The following TNFSF4 variants were observed in gnomAD, a reference collection of about 807,000 sequenced individuals.
The protein encoded by TNFSF4 is TNF superfamily member 4.
A neutral mutation model predicts 7.3 loss-of-function variants in TNFSF4; 4 were observed. The observed-to-expected ratio is 0.55, with a 90% CI of 0.27 to 1.25. The LOEUF (loss-of-function observed/expected upper bound fraction) is 1.25, where lower values mean the gene tolerates loss of function less well. Among genes scored for constraint, TNFSF4 ranks in the 50% most tolerant of loss-of-function variants. The pLI is 0.12. For missense variants in TNFSF4, 181 were observed against 208.8 expected (o/e 0.87, Z 0.82); for synonymous variants, 76 against 83.7 (o/e 0.91, Z 0.50).
At chr1:173,363,411 C>A in the TNFSF4 span, 1 of 336,106 alleles carries the variant, frequency 3.0e-6, no homozygotes, top group South Asian at 3.1e-5. Context: ...TCTCCCTTTC[C>A]CATATCTCTC....
chr1:173,328,469 C>G, the TNFSF4 span, among the ~76,000 whole-genome samples: 13 of 151,288 alleles, frequency 8.6e-5, no homozygotes, highest in Middle Eastern at 3.2e-3. Flanking sequence ...CAAACCTGCA[C>G]GTTGTGCACA....
chr1:173,215,376 C>G, the TNFSF4 span, among the ~76,000 whole-genome samples: 4 of 152,098 alleles, frequency 2.6e-5, no homozygotes, highest in African/African-American at 9.7e-5. Flanking sequence ...AAGAGCATTG[C>G]TTCTTGAAGT....
the TNFSF4 span, among the ~76,000 whole-genome samples, chr1:173,338,573 C>A: frequency 6.6e-6 from 1 of 152,180 alleles, no homozygotes; most frequent in African/African-American, 2.4e-5. Flanking sequence ...CTCCAGAACA[C>A]TGTATATGCT....
chr1:173,186,990 G>T, intron 2 of TNFSF4, 125 bp from the exon 3 acceptor site: 1 of 666,982 alleles, frequency 1.5e-6, no homozygotes, highest in East Asian at 2.7e-5. Flanking sequence ...AAGAGTAAAA[G>T]CAGTGAGCCA....
chr1:173,270,876 G>C, the TNFSF4 span, among the ~76,000 whole-genome samples: 2 of 152,236 alleles, frequency 1.3e-5, no homozygotes, highest in Non-Finnish European at 1.5e-5. Context: ...CAAATTTTCA[G>C]AAATACATAC....
the TNFSF4 span, chr1:173,363,621 C>T: frequency 4.8e-6 from 2 of 418,060 alleles, no homozygotes; most frequent in African/African-American, 2.1e-5. Flanking sequence ...TAAGGAAAGG[C>T]TTATCGGATG....
At chr1:173,182,632 G>A (rs1649075219), downstream of TNFSF4, among the ~76,000 whole-genome samples, 1 of 152,174 alleles carries the variant, frequency 6.6e-6, no homozygotes, top group African/African-American at 2.4e-5. Context: ...CCTGGCACAG[G>A]GAAAGAACTC....
At chr1:173,282,783 G>T in the TNFSF4 span, among the ~76,000 whole-genome samples, 2 of 151,928 alleles carry the variant, frequency 1.3e-5, no homozygotes, top group African/African-American at 4.8e-5. Context: ...TAAAGTCTAA[G>T]GTTTCTTTAG....
chr1:173,330,169 G>A, the TNFSF4 span, among the ~76,000 whole-genome samples: 7 of 152,100 alleles, frequency 4.6e-5, no homozygotes, highest in Non-Finnish European at 7.4e-5. Context: ...GGCCAGAAAT[G>A]TTCATAACTG....
chr1:173,217,611 A>AAC, the TNFSF4 span, among the ~76,000 whole-genome samples: 20 of 152,344 alleles, frequency 1.3e-4, no homozygotes, highest in Admixed American at 1.1e-3. Flanking sequence ...AAACATTATA[A>AAC]ATTTTTTCAG....
chr1:173,254,516 GT>G, the TNFSF4 span, among the ~76,000 whole-genome samples: 1 of 152,158 alleles, frequency 6.6e-6, no homozygotes, highest in African/African-American at 2.4e-5. Flanking sequence ...CTCCCTTAAA[GT>G]TTCAGTTTCA....
chr1:173,218,861 A>G, the TNFSF4 span, among the ~76,000 whole-genome samples: 2 of 152,222 alleles, frequency 1.3e-5, no homozygotes, highest in Non-Finnish European at 2.9e-5. Context: ...TAGATTACAT[A>G]CTAAACTGAG....
the TNFSF4 span, among the ~76,000 whole-genome samples, chr1:173,413,591 T>A: frequency 6.6e-6 from 1 of 152,066 alleles, no homozygotes; most frequent in Non-Finnish European, 1.5e-5. Context: ...AGTCCAGCAG[T>A]GTCACAGCAG....
At chr1:173,199,901 A>G (rs1293915896) in intron 1 of TNFSF4, among the ~76,000 whole-genome samples, 2 of 152,226 alleles carry the variant, frequency 1.3e-5, no homozygotes, top group Admixed American at 6.5e-5. Flanking sequence ...CTGAATTAGT[A>G]CTAGAATTCA....
At chr1:173,278,814 G>C in the TNFSF4 span, among the ~76,000 whole-genome samples, 1 of 152,066 alleles carries the variant, frequency 6.6e-6, no homozygotes, top group Non-Finnish European at 1.5e-5. Flanking sequence ...AATTAATCAA[G>C]AAGGAAGATA....
chr1:173,262,283 C>T, the TNFSF4 span, among the ~76,000 whole-genome samples: 2 of 152,162 alleles, frequency 1.3e-5, no homozygotes, highest in Non-Finnish European at 2.9e-5. Context: ...TTCAACATCC[C>T]TTCATGTTAA....
the TNFSF4 span, among the ~76,000 whole-genome samples, chr1:173,253,631 T>TA: frequency 6.6e-6 from 1 of 152,204 alleles, no homozygotes; most frequent in Non-Finnish European, 1.5e-5. Context: ...GTTAGAGGGA[T>TA]AAAGCCAAGA....
At chr1:173,174,914 C>T in the TNFSF4 span, among the ~76,000 whole-genome samples, 2 of 152,234 alleles carry the variant, frequency 1.3e-5, no homozygotes, top group African/African-American at 4.8e-5. Context: ...GTCTGTCCCA[C>T]TTGGTAATAA....
At chr1:173,329,470 C>T in the TNFSF4 span, among the ~76,000 whole-genome samples, 2 of 151,948 alleles carry the variant, frequency 1.3e-5, no homozygotes, top group Non-Finnish European at 2.9e-5. Context: ...ATGCAAAGCC[C>T]ATGGTTAAGG....
Sources: gnomAD v4.1 joint callset for allele counts (sites outside exome capture counted in the v4.1 genomes callset) on GRCh38, gnomAD v4.1.1 for gene constraint, MANE v1.5 for transcripts, NCBI Gene and HGNC (gene_info 2026-07-23, HGNC 2026-07-21) for gene names.